SLCO4C1: variants seen among roughly 807,000 people sequenced by gnomAD.
The protein encoded by SLCO4C1 is organic anion transporter M1.
A neutral mutation model predicts 72.1 loss-of-function variants in SLCO4C1; 58 were observed. The ratio of observed to expected loss-of-function variants is 0.80; its 90% CI spans 0.65 to 1.00. The LOEUF is 1.00. SLCO4C1 is among the 50% of genes least tolerant of loss of function. SLCO4C1 has a pLI of 0.00. For synonymous variants in SLCO4C1, 297 were observed against 312.5 expected (o/e 0.95, Z 0.52); for missense variants, 898 against 857.9 (o/e 1.05, Z -0.58).
At chr5:102,243,198 T>C (rs1250627357) in intron 10 of SLCO4C1, among the ~76,000 whole-genome samples, 1 of 152,102 alleles carries the variant, frequency 6.6e-6, no homozygotes, top group Admixed American at 6.6e-5. Context: ...ATAGACCAGG[T>C]AGACTTCTAA....
At chr5:102,241,948 G>A (rs1580237434) in intron 10 of SLCO4C1, among the ~76,000 whole-genome samples, 1 of 151,988 alleles carries the variant, frequency 6.6e-6, no homozygotes, top group African/African-American at 2.4e-5. Context: ...GCACTGAAGA[G>A]ATTAAAAAAA....
intron 2 of SLCO4C1, among the ~76,000 whole-genome samples, chr5:102,285,663 A>G (rs1044877584): frequency 1.3e-5 from 2 of 152,210 alleles, no homozygotes; most frequent in Non-Finnish European, 2.9e-5. Context: ...AGTTTTATCT[A>G]GAGCATTAAC....
chr5:102,291,966 C>T (rs1196444018), intron 1 of SLCO4C1, among the ~76,000 whole-genome samples: 1 of 152,002 alleles, frequency 6.6e-6, no homozygotes, highest in African/African-American at 2.4e-5. Context: ...GGATTACACG[C>T]ATGCACCACC....
intron 11 of SLCO4C1, among the ~76,000 whole-genome samples, chr5:102,240,431 A>G (rs999867907): frequency 2.6e-5 from 4 of 152,124 alleles, no homozygotes; most frequent in Non-Finnish European, 5.9e-5. Flanking sequence ...GCAGAGAGAA[A>G]AGAAATTATG....
At chr5:102,238,355 A>T (rs1348213576) in intron 12 of SLCO4C1, among the ~76,000 whole-genome samples, 4 of 152,180 alleles carry the variant, frequency 2.6e-5, no homozygotes, top group Non-Finnish European at 5.9e-5. Flanking sequence ...TGAATAAAAA[A>T]TGGTTTTTAA....
chr5:102,244,868 C>T lies in SLCO4C1; in HGVS notation c.1811+2384G>A, dbSNP rs1448440861. Reference sequence around the variant, plus strand: ...GCTGAGGGATTTCATCAATGCCAGGCCTGTCCTATAAGAAATGCTAAAGGG... The same window carrying T: ...GCTGAGGGATTTCATCAATGCCAGGTCTGTCCTATAAGAAATGCTAAAGGG... On this transcript the variant is annotated intron_variant, in intron 10 of 12. Transcript: ENST00000310954. Among the ~76,000 whole-genome samples the T allele has an allele frequency of 2.0e-5, 3 of 152,056 alleles. No individual in the cohort carries two copies. In the East Asian group the frequency reaches 5.8e-4, roughly 29 times the overall value.
chr5:102,255,411 T>G (rs911820935), intron 8 of SLCO4C1, among the ~76,000 whole-genome samples: 7 of 152,210 alleles, frequency 4.6e-5, no homozygotes, highest in Non-Finnish European at 8.8e-5. Flanking sequence ...CTTCCTTTTT[T>G]TTCTAAAAGG....
At position 102,295,980 on chromosome 5, in the gene SLCO4C1, G is replaced by A. The variant is rs1749644448; in HGVS notation, c.283C>T (p.Pro95Ser). ...GTGTTGCAGCGCTGGAGACATTGAG[G>A]ATGGAAGTTCCTCCAGCCGTAAGAC... Reference protein sequence around the residue: ...EGSYGWRNFHPQCLQRCNTPG... With the variant: ...EGSYGWRNFHSQCLQRCNTPG... The change falls in exon 1 of 13, where the codon CCT (proline) becomes TCT (serine). Residue 95 changes from proline (P) to serine (S), a missense_variant. Physicochemically the swap from Pro to Ser is moderately conservative, Grantham distance 74. Coordinates refer to ENST00000310954, the MANE Select transcript of SLCO4C1 (RefSeq NM_180991.5). 6.2e-7 allele frequency: 1 copy of A among 1,614,254 alleles called. No homozygotes were observed. Among genetic ancestry groups the A allele is most frequent in the Middle Eastern group, 1.6e-4 (1 of 6,062 alleles).
chr5:102,255,966 G>A (rs1748827193), intron 8 of SLCO4C1, among the ~76,000 whole-genome samples: 1 of 131,616 alleles, frequency 7.6e-6, no homozygotes, highest in South Asian at 2.6e-4. Context: ...AGCACTTTGG[G>A]TGGCCGAGCC....
chr5:102,247,106 G>T, intron 10 of SLCO4C1, 146 bp downstream of exon 10: 2 of 485,836 alleles, frequency 4.1e-6, no homozygotes, highest in South Asian at 1.7e-4. Context: ...AGAGGAGCTT[G>T]TCCAATGCCA....
intron 2 of SLCO4C1, among the ~76,000 whole-genome samples, chr5:102,281,821 AC>A (rs1580264766): frequency 1.3e-5 from 2 of 152,156 alleles, no homozygotes; most frequent in East Asian, 3.8e-4. Flanking sequence ...ATAAAGTGAT[AC>A]AGTGAATCTG....
At chr5:102,260,041 G>A (rs561290859) in intron 6 of SLCO4C1, among the ~76,000 whole-genome samples, 172 bp downstream of exon 6, 1 of 151,072 alleles carries the variant, frequency 6.6e-6, no homozygotes, top group African/African-American at 2.4e-5. Context: ...GGTGTGTGTG[G>A]GTTTATGTGG....
At chr5:102,281,133 A>T (rs1360402658) in intron 2 of SLCO4C1, among the ~76,000 whole-genome samples, 1 of 152,168 alleles carries the variant, frequency 6.6e-6, no homozygotes, top group African/African-American at 2.4e-5. Context: ...CAGAGTAGAG[A>T]TCCCAGAAAT....
chr5:102,281,505 A>T (rs143907862), intron 2 of SLCO4C1, among the ~76,000 whole-genome samples: 1 of 152,148 alleles, frequency 6.6e-6, no homozygotes, highest in Admixed American at 6.6e-5. Flanking sequence ...ATGAAAAGAC[A>T]TGCTACAGAC....
intron 10 of SLCO4C1, among the ~76,000 whole-genome samples, chr5:102,245,451 C>T (rs1190332077): frequency 1.3e-5 from 2 of 152,006 alleles, no homozygotes; most frequent in African/African-American, 4.8e-5. Flanking sequence ...CAAAGAAAGT[C>T]ACTATATAAT....
In SLCO4C1 at chr5:102,236,226, AC is replaced by A. The variant is rs1339195075; in HGVS notation, c.*631del. On this transcript the variant is annotated 3_prime_UTR_variant, in exon 13 of 13. Coordinates refer to ENST00000310954, the MANE Select transcript of SLCO4C1 (RefSeq NM_180991.5). ...TTCTGTATTCACTATATACTAAGAC[AC>A]AAGGATGATAACTAACATATTCTAA... The A allele has an allele frequency of 6.6e-6, 1 of 152,330 alleles. No individual in the cohort carries two copies. The allele number at this position is 152,330 out of a possible 1,614,324, so 9.4% of individuals were successfully genotyped here. A position where few individuals can be genotyped will look rare whatever the true frequency, so the allele number is the denominator to read the frequency against.
intron 2 of SLCO4C1, among the ~76,000 whole-genome samples, chr5:102,290,047 A>G (rs971144044): frequency 1.3e-5 from 2 of 152,200 alleles, no homozygotes; most frequent in Non-Finnish European, 2.9e-5. Context: ...ATTTATATAG[A>G]AAAGAAATTG....
intron 3 of SLCO4C1, among the ~76,000 whole-genome samples, chr5:102,266,097 T>C (rs760307709): frequency 5.3e-5 from 8 of 152,184 alleles, no homozygotes; most frequent in Non-Finnish European, 1.2e-4. Flanking sequence ...TGATATATTT[T>C]TCAACTAGTT....
intron 8 of SLCO4C1, 123 bp from the exon 9 acceptor site, chr5:102,249,911 C>T: frequency 1.0e-6 from 1 of 965,964 alleles, no homozygotes; most frequent in South Asian, 1.7e-5. Context: ...AATTACTAAA[C>T]AAATAAAACG....
Sources: allele counts gnomAD v4.1 joint callset (sites outside exome capture counted in the v4.1 genomes callset), GRCh38; gene constraint gnomAD v4.1.1; transcripts MANE v1.5; gene names NCBI Gene and HGNC (gene_info 2026-07-23, HGNC 2026-07-21).